Variants in PPFIA2 observed in about 807,000 individuals in gnomAD.
PPFIA2 encodes the protein PPFI scaffold protein A2.
In PPFIA2, 46 loss-of-function variants were observed where a neutral mutation model predicts 175.5. That is an observed-to-expected ratio of 0.26 (90% CI 0.21 to 0.34). The LOEUF (loss-of-function observed/expected upper bound fraction) is 0.34, where lower values mean the gene tolerates loss of function less well. Among genes scored for constraint, PPFIA2 ranks in the 10% least tolerant of loss-of-function variants. The probability of loss-of-function intolerance (pLI) is 1.00; values close to 1 mark genes in which losing one functional copy is unlikely to be tolerated. For synonymous variants in PPFIA2, 568 were observed against 511.4 expected (o/e 1.11, Z -1.49); for missense variants, 1,179 against 1,506.1 (o/e 0.78, Z 3.60).
At chr12:81,667,811 T>C (rs2070642674) in intron 4 of PPFIA2, among the ~76,000 whole-genome samples, 1 of 151,984 alleles carries the variant, frequency 6.6e-6, no homozygotes, top group Non-Finnish European at 1.5e-5. Flanking sequence ...AAATTTAAGT[T>C]ACTTATTTAA....
intron 8 of PPFIA2, among the ~76,000 whole-genome samples, chr12:81,394,924 T>C (rs566433461): frequency 7.2e-5 from 11 of 152,060 alleles, no homozygotes; most frequent in Non-Finnish European, 1.3e-4. Context: ...ATAAAAGCTA[T>C]CTACCAGTTA....
intron 4 of PPFIA2, among the ~76,000 whole-genome samples, chr12:81,645,612 T>C (rs1165152104): frequency 6.6e-6 from 1 of 152,232 alleles, no homozygotes; most frequent in Non-Finnish European, 1.5e-5. Flanking sequence ...AGCTGAGTAC[T>C]TAAGACGTCC....
chr12:81,698,544 G>A (rs530279109), intron 3 of PPFIA2, among the ~76,000 whole-genome samples: 6 of 152,156 alleles, frequency 3.9e-5, no homozygotes, highest in African/African-American at 1.4e-4. Context: ...AGCACAAAAT[G>A]AACTTAAGAG....
intron 4 of PPFIA2, among the ~76,000 whole-genome samples, chr12:81,487,786 TG>T (rs1168467847): frequency 6.6e-6 from 1 of 151,796 alleles, no homozygotes; most frequent in Non-Finnish European, 1.5e-5. Context: ...AGATGTTTAA[TG>T]GCCATTGTGA....
rs573102016 is a variant in PPFIA2, at chr12:81,414,124, A to G, written c.646-8221T>C. ...GTAATATACTTGAAGTCATACAGAA[A>G]AAGACACAACAGAGATATTTCTGAT... On this transcript the variant is annotated intron_variant, in intron 7 of 32. Transcript: ENST00000549396. 5.9e-5 allele frequency among the ~76,000 whole-genome samples: 9 copies of G among 151,958 alleles called. No individual in the cohort carries two copies. The East Asian group carries it at 1.7e-3, about 29-fold the overall frequency.
chr12:81,540,888 T>C (rs569916387), intron 4 of PPFIA2, among the ~76,000 whole-genome samples: 2 of 152,100 alleles, frequency 1.3e-5, no homozygotes, highest in Admixed American at 6.6e-5. Flanking sequence ...TATTTAGATC[T>C]CTCTTTAGGA....
intron 4 of PPFIA2, among the ~76,000 whole-genome samples, chr12:81,638,978 C>T (rs985230022): frequency 2.0e-5 from 3 of 152,092 alleles, no homozygotes; most frequent in South Asian, 2.1e-4. Flanking sequence ...TGAGCCACCG[C>T]GCCCGGCCTG....
chr12:81,481,200 C>A (rs2058175732), intron 4 of PPFIA2, among the ~76,000 whole-genome samples: 1 of 152,146 alleles, frequency 6.6e-6, no homozygotes, highest in Admixed American at 6.5e-5. Flanking sequence ...TGTAGGACCT[C>A]TTCAACTAGA....
At chr12:81,400,363 T>G (rs1335239027) in intron 8 of PPFIA2, among the ~76,000 whole-genome samples, 1 of 152,182 alleles carries the variant, frequency 6.6e-6, no homozygotes, top group Non-Finnish European at 1.5e-5. Context: ...ACAAAACCCT[T>G]AATTTTGATA....
chr12:81,699,884 T>C (rs1475427872), intron 3 of PPFIA2, among the ~76,000 whole-genome samples: 3 of 152,062 alleles, frequency 2.0e-5, no homozygotes, highest in Non-Finnish European at 2.9e-5. Flanking sequence ...TGCATCCACA[T>C]TTCTATTGAA....
At chr12:81,669,031 G>T (rs1319604360) in intron 4 of PPFIA2, among the ~76,000 whole-genome samples, 2 of 151,914 alleles carry the variant, frequency 1.3e-5, no homozygotes, top group Non-Finnish European at 2.9e-5. Context: ...AGAAATTTCT[G>T]CTCTCATAAG....
At chr12:81,658,507 T>C (rs2068169490) in intron 4 of PPFIA2, among the ~76,000 whole-genome samples, 1 of 152,030 alleles carries the variant, frequency 6.6e-6, no homozygotes, top group Admixed American at 6.5e-5. Flanking sequence ...ATCTGTTTTT[T>C]CCAGAAAAAC....
intron 21 of PPFIA2, among the ~76,000 whole-genome samples, chr12:81,338,193 AATT>A (rs1198263434): frequency 3.9e-5 from 6 of 152,114 alleles, no homozygotes; most frequent in African/African-American, 1.4e-4. Flanking sequence ...CCTTGCAAAT[AATT>A]ATTACTCTAT....
intron 9 of PPFIA2, among the ~76,000 whole-genome samples, chr12:81,381,745 A>T (rs1187331690): frequency 1.3e-5 from 2 of 152,162 alleles, no homozygotes; most frequent in African/African-American, 4.8e-5. Flanking sequence ...TTGTATCATT[A>T]TCTGTGCTGC....
At chr12:81,368,936 G>T (rs1005528048) in intron 12 of PPFIA2, 80 bp from the exon 13 acceptor site, 2 of 1,468,242 alleles carry the variant, frequency 1.4e-6, no homozygotes, top group African/African-American at 1.4e-5. Flanking sequence ...GTTTTAAATT[G>T]AATTTAATTT....
At chr12:81,747,262 C>CA (rs1381355974) in intron 3 of PPFIA2, among the ~76,000 whole-genome samples, 1 of 143,506 alleles carries the variant, frequency 7.0e-6, no homozygotes, top group Non-Finnish European at 1.6e-5. Context: ...TTAGGTTTCA[C>CA]AAAAAACAAA....
chr12:81,662,182 C>A (rs1283325574), intron 4 of PPFIA2, among the ~76,000 whole-genome samples: 2 of 151,810 alleles, frequency 1.3e-5, no homozygotes, highest in African/African-American at 4.8e-5. Context: ...TAGCAGAAGG[C>A]AAGAAATAAC....
At chr12:81,633,885 T>C (rs2063689969) in intron 4 of PPFIA2, among the ~76,000 whole-genome samples, 1 of 151,930 alleles carries the variant, frequency 6.6e-6, no homozygotes, top group South Asian at 2.1e-4. Flanking sequence ...ATGTTTATAT[T>C]AGGAGCTCAA....
chr12:81,448,290 A>G (rs576604608), intron 5 of PPFIA2, among the ~76,000 whole-genome samples: 31 of 152,244 alleles, frequency 2.0e-4, no homozygotes, highest in African/African-American at 6.5e-4. Flanking sequence ...ACAATTCAGT[A>G]TTTGTAAGCA....
Sources: gnomAD v4.1 joint callset for allele counts (sites outside exome capture counted in the v4.1 genomes callset) on GRCh38, gnomAD v4.1.1 for gene constraint, MANE v1.5 for transcripts, NCBI Gene and HGNC (gene_info 2026-07-23, HGNC 2026-07-21) for gene names.